The following RALA variants were observed in gnomAD, a reference collection of about 807,000 sequenced individuals.
The protein encoded by RALA is ras-related protein Ral-A.
A neutral mutation model predicts 24.0 loss-of-function variants in RALA; 5 were observed. That is an observed-to-expected ratio of 0.21 (90% CI 0.11 to 0.44). The LOEUF is 0.44. Ranked by LOEUF, RALA falls within the 20% of genes least tolerant of loss-of-function variation. RALA has a pLI of 0.99. For synonymous variants in RALA, 77 were observed against 83.8 expected (o/e 0.92, Z 0.44); for missense variants, 95 against 241.2 (o/e 0.39, Z 4.01).
At chr7:39,643,876 G>GAAAGA (rs895884337) in intron 1 of RALA, among the ~76,000 whole-genome samples, 3 of 152,104 alleles carry the variant, frequency 2.0e-5, no homozygotes, top group South Asian at 4.2e-4. Context: ...AATAAAGAGA[G>GAAAGA]AAAGAAAAGA....
At position 39,679,072 on chromosome 7, in the gene RALA, CT is replaced by C. The variant is rs11418081; in HGVS notation, c.-37-7546del. On this transcript the variant is annotated intron_variant, in intron 1 of 4. Transcript: ENST00000005257. ...GCATATGGGATATGTTGTTCTGTAT[CT>C]TTTTTTTTTTTTCCACTTTAGCTCT... 6.9e-4 allele frequency among the ~76,000 whole-genome samples: 101 copies of C among 145,632 alleles called. 2 individuals are homozygous for C. The highest frequency in any genetic ancestry group is 3.4e-3 in the East Asian group (17 of 5,018).
chr7:39,656,664 A>T (rs1391595876), intron 1 of RALA, among the ~76,000 whole-genome samples: 3 of 152,238 alleles, frequency 2.0e-5, no homozygotes, highest in African/African-American at 7.2e-5. Context: ...CTAATCCTGA[A>T]GGAAGTTAGT....
rs186461243 is a variant in RALA, at chr7:39,692,101, G to C, written c.323+1511G>C. Among the ~76,000 whole-genome samples the C allele has an allele frequency of 1.2e-3, 185 of 152,218 alleles. 1 individual carries two copies. Among genetic ancestry groups the C allele is most frequent in the African/African-American group, 4.0e-3 (168 of 41,546 alleles). On this transcript the variant is annotated intron_variant, in intron 3 of 4. Coordinates refer to ENST00000005257, the MANE Select transcript of RALA (RefSeq NM_005402.4). ...TCACCAACAATATTGTTGGTGAAAG[G>C]CTTTTTTGAAAAGGTCTGAATGGTT... is the stretch of plus-strand genomic sequence containing the variant.
intron 1 of RALA, among the ~76,000 whole-genome samples, chr7:39,638,469 C>G (rs1791723954): frequency 6.6e-6 from 1 of 152,090 alleles, no homozygotes. Context: ...TAGTAGTATT[C>G]TATTCTATGG....
At chr7:39,642,654 T>C (rs964975502) in intron 1 of RALA, among the ~76,000 whole-genome samples, 3 of 152,230 alleles carry the variant, frequency 2.0e-5, no homozygotes, top group Non-Finnish European at 4.4e-5. Context: ...GGAAATCTGC[T>C]TCATTTTTGG....
chr7:39,633,585 G>A (rs562937367), intron 1 of RALA, among the ~76,000 whole-genome samples: 40 of 152,270 alleles, frequency 2.6e-4, no homozygotes, highest in Middle Eastern at 3.4e-3. Flanking sequence ...GGGTTATGGC[G>A]ATTATAATTC....
chr7:39,670,804 G>C (rs1792367763), intron 1 of RALA, among the ~76,000 whole-genome samples: 1 of 152,026 alleles, frequency 6.6e-6, no homozygotes, highest in South Asian at 2.1e-4. Context: ...AAAACCACTG[G>C]GGCTGGGGTA....
At chr7:39,668,793 A>G (rs1356590184) in intron 1 of RALA, among the ~76,000 whole-genome samples, 7 of 138,342 alleles carry the variant, frequency 5.1e-5, no homozygotes, top group African/African-American at 8.1e-5. Context: ...GCGAAATTCC[A>G]TCTCAAAAAA....
chr7:39,656,713 A>G (rs142353535), intron 1 of RALA, among the ~76,000 whole-genome samples: 54 of 152,322 alleles, frequency 3.5e-4, no homozygotes, highest in African/African-American at 9.4e-4. Context: ...GTCCTCCAGC[A>G]TGACAGATTG....
At chr7:39,700,197 C>T (rs1301939094) in intron 4 of RALA, 4 of 152,180 alleles carry the variant, frequency 2.6e-5, no homozygotes, top group African/African-American at 9.7e-5. Flanking sequence ...ACCCCAGAAC[C>T]TTTATGGGTA....
rs1583695856 is a variant in RALA at position 39,623,670 on chromosome 7, C to G, written c.-193C>G. On this transcript the variant is annotated 5_prime_UTR_variant, in exon 1 of 5. Coordinates refer to ENST00000005257, the MANE Select transcript of RALA (RefSeq NM_005402.4). The surrounding 1 kb of genome is among the most constrained non-coding windows in gnomAD (Gnocchi z 4.9). ...TTCTCCTCCTCCTCCTCCTCCTCCT[C>G]CAGCCGCCCAGGCTCCCCCGCCACC... The G allele has an allele frequency of 6.4e-6, 1 of 156,186 alleles. No homozygotes were observed. Among genetic ancestry groups the G allele is most frequent in the African/African-American group, 2.4e-5 (1 of 41,324 alleles). 9.7% of individuals were successfully genotyped at this position (156,186 alleles called of 1,614,324 possible).
chr7:39,640,519 G>T (rs1583709025), intron 1 of RALA, among the ~76,000 whole-genome samples: 1 of 152,256 alleles, frequency 6.6e-6, no homozygotes, highest in South Asian at 2.1e-4. Flanking sequence ...GTAAGAGTTT[G>T]TTTATTACAG....
chr7:39,656,958 TTG>T (rs931284106), intron 1 of RALA, among the ~76,000 whole-genome samples: 3 of 152,134 alleles, frequency 2.0e-5, no homozygotes, highest in African/African-American at 4.8e-5. Context: ...TTGTTTGTTT[TTG>T]TGTTTTTTTG....
At chr7:39,653,539 G>A (rs1158004539) in intron 1 of RALA, among the ~76,000 whole-genome samples, 2 of 152,096 alleles carry the variant, frequency 1.3e-5, no homozygotes, top group Non-Finnish European at 2.9e-5. Flanking sequence ...TGTTGCCCAG[G>A]CTGGTCTCAA....
At chr7:39,699,168 C>G (rs1411214190) in intron 4 of RALA, among the ~76,000 whole-genome samples, 2 of 109,234 alleles carry the variant, frequency 1.8e-5, no homozygotes, top group Non-Finnish European at 3.4e-5. Context: ...GAGTCTCGCT[C>G]TGTCGCCCAG....
At chr7:39,697,971 G>GTGTGTGTA (rs147264246) in intron 4 of RALA, among the ~76,000 whole-genome samples, 44,113 of 148,998 alleles carry the variant, frequency 0.3, 6,946 homozygotes, top group Non-Finnish European at 0.37. Flanking sequence ...GTGTGTGTGT[G>GTGTGTGTA]TGTATGTGTG....
At chr7:39,677,143 G>A (rs1048570209) in intron 1 of RALA, among the ~76,000 whole-genome samples, 22 of 152,222 alleles carry the variant, frequency 1.4e-4, no homozygotes, top group African/African-American at 5.1e-4. Flanking sequence ...GCGGCCAGGG[G>A]CCAAGGGATG....
chr7:39,696,064 G>A (rs1456995778), intron 3 of RALA, among the ~76,000 whole-genome samples: 1 of 152,140 alleles, frequency 6.6e-6, no homozygotes, highest in Non-Finnish European at 1.5e-5. Flanking sequence ...TTTGCACTTT[G>A]CTCAGACTTA....
chr7:39,665,266 A>G (rs1172777990), intron 1 of RALA, among the ~76,000 whole-genome samples: 1 of 152,070 alleles, frequency 6.6e-6, no homozygotes. Context: ...GACCTTTATG[A>G]TGATCCACTT....
Sources: gnomAD v4.1 joint callset for allele counts (sites outside exome capture counted in the v4.1 genomes callset) on GRCh38, gnomAD v4.1.1 for gene constraint, Gnocchi (gnomAD v3.1) non-coding constraint, MANE v1.5 for transcripts, NCBI Gene and HGNC (gene_info 2026-07-23, HGNC 2026-07-21) for gene names.